The following DNM1L variants were observed in gnomAD, a reference collection of about 807,000 sequenced individuals.
DNM1L encodes dynamin 1L.
DNM1L carries 33 observed loss-of-function variants against 92.8 expected under a neutral mutation model. The ratio of observed to expected loss-of-function variants is 0.36; its 90% confidence interval spans 0.27 to 0.48. The LOEUF is 0.48. Ranked by LOEUF, DNM1L falls within the 20% of genes least tolerant of loss-of-function variation. The pLI is 0.99. For missense variants in DNM1L, 485 were observed against 888.8 expected, an observed-to-expected ratio of 0.55 and a Z score of 5.78; for synonymous variants, 284 against 305.0, an observed-to-expected ratio of 0.93 and a Z score of 0.72.
chr12:32,741,486 T>C (rs1240010237), intron 18 of DNM1L, among the ~76,000 whole-genome samples: 3 of 152,180 alleles, frequency 2.0e-5, no homozygotes, highest in Non-Finnish European at 4.4e-5. Context: ...GGTTTCACCA[T>C]GTTGGCCAGG....
chr12:32,680,115 G>A (rs973697248), intron 1 of DNM1L: 14 of 691,160 alleles, frequency 2.0e-5, no homozygotes, highest in African/African-American at 5.9e-5. Context: ...AGGAATATCC[G>A]ATTTTTCTGC....
intron 6 of DNM1L, among the ~76,000 whole-genome samples, chr12:32,715,824 G>A (rs1953339150): frequency 6.6e-6 from 1 of 152,216 alleles, no homozygotes; most frequent in Admixed American, 6.5e-5. Flanking sequence ...GCTGGTGGGA[G>A]TGGTGTAGTC....
chr12:32,718,859 T>C (rs1953669302), intron 7 of DNM1L, 96 bp downstream of exon 7: 1 of 1,511,468 alleles, frequency 6.6e-7, no homozygotes, highest in African/African-American at 1.4e-5. Flanking sequence ...TAAAATCTGT[T>C]TGAAATGTGA....
intron 2 of DNM1L, among the ~76,000 whole-genome samples, chr12:32,701,996 G>T (rs1952721120): frequency 6.7e-6 from 1 of 149,488 alleles, no homozygotes; most frequent in Admixed American, 6.7e-5. Context: ...CCAAAGTGCT[G>T]ATCACAAGGC....
intron 1 of DNM1L, among the ~76,000 whole-genome samples, chr12:32,700,774 A>G (rs1275395060): frequency 2.0e-5 from 3 of 152,070 alleles, no homozygotes; most frequent in Non-Finnish European, 4.4e-5. Flanking sequence ...AGGTTAGAGA[A>G]AAAGATATGC....
intron 9 of DNM1L, among the ~76,000 whole-genome samples, chr12:32,730,162 A>G (rs1470281876): frequency 1.3e-5 from 2 of 151,238 alleles, no homozygotes; most frequent in African/African-American, 4.9e-5. Flanking sequence ...TCAAGAGATC[A>G]AGACCATCCT....
chr12:32,734,734 A>T (rs567036765), intron 13 of DNM1L, among the ~76,000 whole-genome samples: 27 of 152,272 alleles, frequency 1.8e-4, no homozygotes, highest in Admixed American at 1.5e-3. Context: ...ACTTGAACCC[A>T]GGAGGTGGAG....
intron 9 of DNM1L, among the ~76,000 whole-genome samples, chr12:32,729,758 C>A (rs973750869): frequency 6.6e-6 from 1 of 152,182 alleles, no homozygotes; most frequent in African/African-American, 2.4e-5. Flanking sequence ...CTGTGCCTGG[C>A]CGAATTTACT....
Position 32,743,737 on chromosome 12 carries a change from G to GTAAT in DNM1L, c.*328_*331dup, listed in dbSNP as rs564265733. The GTAAT allele has an allele frequency of 3.0e-6, 1 of 330,140 alleles. No individual in the cohort carries two copies. The highest frequency in any genetic ancestry group is 5.7e-6 in the Non-Finnish European group (1 of 176,712). 20.5% of individuals were successfully genotyped at this position (330,140 alleles called of 1,614,324 possible). A position where few individuals can be genotyped will look rare whatever the true frequency, so the allele number is the denominator to read the frequency against. The stretch of plus-strand genomic sequence containing the variant: ...TTTGCCTGTGGATAAGATGACCTGT[G>GTAAT]TAATAATCTTTGTTAGTAGTCTTAA... On this transcript the variant is annotated 3_prime_UTR_variant, in exon 20 of 20. Transcript: ENST00000549701.
intron 1 of DNM1L, among the ~76,000 whole-genome samples, chr12:32,700,197 G>T (rs1177093894): frequency 6.6e-6 from 1 of 151,996 alleles, no homozygotes; most frequent in Admixed American, 6.6e-5. Context: ...TCGGCTTACT[G>T]CAACCTCCAC....
At chr12:32,723,463 G>A (rs1225786422) in intron 9 of DNM1L, among the ~76,000 whole-genome samples, 1 of 152,114 alleles carries the variant, frequency 6.6e-6, no homozygotes, top group African/African-American at 2.4e-5. Flanking sequence ...TTGGGAGGCT[G>A]AGGCGGGTGA....
chr12:32,712,076 A>G (rs1953146371), intron 5 of DNM1L, among the ~76,000 whole-genome samples: 1 of 152,172 alleles, frequency 6.6e-6, no homozygotes, highest in Non-Finnish European at 1.5e-5. Flanking sequence ...AGCCACTATC[A>G]TGCTACCTGG....
intron 2 of DNM1L, among the ~76,000 whole-genome samples, chr12:32,705,107 A>G (rs970264562): frequency 1.3e-4 from 19 of 151,044 alleles, no homozygotes; most frequent in Admixed American, 5.3e-4. Context: ...GGTTCAAGCA[A>G]TTCTCCTGCC....
chr12:32,685,800 T>C (rs1271717068), intron 1 of DNM1L, among the ~76,000 whole-genome samples: 1 of 152,170 alleles, frequency 6.6e-6, no homozygotes, highest in Non-Finnish European at 1.5e-5. Flanking sequence ...TTGACACCTA[T>C]GCCATTTCCT....
chr12:32,680,098 G>A, intron 1 of DNM1L: 3 of 818,762 alleles, frequency 3.7e-6, no homozygotes, highest in Non-Finnish European at 4.4e-6. Flanking sequence ...TTCTGCGGGT[G>A]TTGGGAAGGA....
At chr12:32,688,903 G>T (rs1173959965) in intron 1 of DNM1L, among the ~76,000 whole-genome samples, 1 of 152,140 alleles carries the variant, frequency 6.6e-6, no homozygotes, top group Non-Finnish European at 1.5e-5. Flanking sequence ...GTTCATATAA[G>T]AACACTCTTT....
rs139792008 is a variant in DNM1L at position 32,701,271 on chromosome 12, C to T, written c.103-144C>T. 4,094 of 685,238 alleles carry T rather than the reference C, an allele frequency of 6.0e-3. 140 individuals carry two copies. In the African/African-American group the frequency reaches 0.07, roughly 12 times the overall value. 42.4% of individuals were successfully genotyped at this position (685,238 alleles called of 1,614,324 possible). The stretch of plus-strand genomic sequence containing the variant: ...AGCCTAGCCAACAAGAGCGAAACTC[C>T]GTCTCAAAAAAAAAAAAAAATAGTC... On this transcript the variant is annotated intron_variant, in intron 1 of 19. Transcript: ENST00000549701.
At position 32,743,520 on chromosome 12, in the gene DNM1L, C is replaced by A; in HGVS notation, c.*110C>A. 2 of 1,045,094 alleles carry A rather than the reference C, an allele frequency of 1.9e-6. No homozygotes were observed. Among genetic ancestry groups the A allele is most frequent in the Non-Finnish European group, 2.9e-6 (2 of 685,146 alleles). The allele number at this position is 1,045,094 out of a possible 1,614,324, so 64.7% of individuals were successfully genotyped here. ...TGTGTATTGCAATGGTATGAATCTG[C>A]TCATGTGGAGACTGGCTATAAACTG... is the stretch of plus-strand genomic sequence containing the variant. On this transcript the variant is annotated 3_prime_UTR_variant, in exon 20 of 20. Coordinates refer to ENST00000549701, the MANE Select transcript of DNM1L (RefSeq NM_012062.5).
Position 32,738,313 on chromosome 12 carries a change from AG to A in DNM1L, c.1707+18del. On this transcript the variant is annotated intron_variant, in intron 16 of 19. Transcript: ENST00000549701. ...ACTAAAAATGTGAGTCTCTTGCTTCAGAATGGAAATGTTGGTACCTTTGGTT... is the reference window on the plus strand; with the variant it reads ...ACTAAAAATGTGAGTCTCTTGCTTCAAATGGAAATGTTGGTACCTTTGGTT... 6.2e-7 allele frequency: 1 copy of A among 1,613,554 alleles called. No individual in the cohort carries two copies. Among genetic ancestry groups the A allele is most frequent in the South Asian group, 1.1e-5 (1 of 91,060 alleles).
Sources: gnomAD v4.1 joint callset for allele counts (sites outside exome capture counted in the v4.1 genomes callset) on GRCh38, gnomAD v4.1.1 for gene constraint, MANE v1.5 for transcripts, NCBI Gene and HGNC (gene_info 2026-07-23, HGNC 2026-07-21) for gene names.